The following ZNF438 variants were observed in gnomAD, a reference collection of about 807,000 sequenced individuals.
ZNF438 encodes the protein zinc finger protein 438.
In ZNF438, 25 loss-of-function variants were observed where a neutral mutation model predicts 38.0. The observed-to-expected ratio is 0.66, with a 90% CI of 0.48 to 0.92. ZNF438 has a LOEUF of 0.92. ZNF438 is among the 40% of genes least tolerant of loss of function. The probability of loss-of-function intolerance (pLI) is 0.00; values close to 1 mark genes in which losing one functional copy is unlikely to be tolerated. For missense variants in ZNF438, 1,007 were observed against 999.6 expected (o/e 1.01, Z -0.10); for synonymous variants, 372 against 364.1 (o/e 1.02, Z -0.25).
intron 4 of ZNF438, among the ~76,000 whole-genome samples, chr10:30,871,322 T>A (rs2037374378): frequency 6.6e-6 from 1 of 152,140 alleles, no homozygotes; most frequent in African/African-American, 2.4e-5. Context: ...CTTTGGTGTT[T>A]CATTAAAAAA....
At chr10:30,896,170 C>T (rs960686365) in intron 3 of ZNF438, among the ~76,000 whole-genome samples, 1 of 151,870 alleles carries the variant, frequency 6.6e-6, no homozygotes, top group Admixed American at 6.6e-5. Context: ...GTGACGGGCA[C>T]CTGTAGTCCC....
chr10:30,848,560 A>G, exon 5 of ZNF438: 1 of 1,613,916 alleles, frequency 6.2e-7, no homozygotes, highest in Middle Eastern at 1.7e-4. Context: ...TGCCTCGCAC[A>G]CTCATGTCTC....
chr10:30,942,513 T>A (rs1313475116), intron 1 of ZNF438, among the ~76,000 whole-genome samples: 1 of 152,194 alleles, frequency 6.6e-6, no homozygotes, highest in Non-Finnish European at 1.5e-5. Flanking sequence ...AGAAGCAGAA[T>A]AACAGCCTAA....
chr10:30,957,145 T>C (rs1244550405), intron 1 of ZNF438, among the ~76,000 whole-genome samples: 1 of 152,228 alleles, frequency 6.6e-6, no homozygotes, highest in African/African-American at 2.4e-5. Flanking sequence ...GATGTAGTGA[T>C]GTTGAACATT....
intron 1 of ZNF438, among the ~76,000 whole-genome samples, chr10:30,944,260 C>T (rs572625604): frequency 4.6e-4 from 70 of 152,278 alleles, no homozygotes; most frequent in African/African-American, 1.4e-3. Flanking sequence ...ACATAGTAAA[C>T]ACTACAGGGC....
At chr10:30,968,730 C>A (rs56288552) in intron 1 of ZNF438, among the ~76,000 whole-genome samples, 13,966 of 152,058 alleles carry the variant, frequency 0.092, 679 homozygotes, top group Non-Finnish European at 0.11. Flanking sequence ...GCGTGAGCCA[C>A]CGTGCCCAGC....
intron 3 of ZNF438, among the ~76,000 whole-genome samples, chr10:30,901,557 G>A (rs906799903): frequency 1.3e-5 from 2 of 152,044 alleles, no homozygotes; most frequent in African/African-American, 4.8e-5. Context: ...TTTGGCCCCC[G>A]AATTCTAAGG....
exon 5 of ZNF438, chr10:30,849,329 C>T: frequency 1.9e-6 from 3 of 1,614,236 alleles, no homozygotes; most frequent in African/African-American, 1.3e-5. Context: ...ACAAAAGGCA[C>T]TTTCACAGGC....
exon 6 of ZNF438, chr10:30,844,865 G>A: frequency 7.0e-7 from 1 of 1,438,120 alleles, no homozygotes; most frequent in South Asian, 1.4e-5. Context: ...CAATCCTGTT[G>A]TTTGATCTTT....
intron 3 of ZNF438, among the ~76,000 whole-genome samples, chr10:30,889,171 C>G (rs1390247451): frequency 6.6e-6 from 1 of 152,120 alleles, no homozygotes; most frequent in Non-Finnish European, 1.5e-5. Flanking sequence ...AATGCTTATT[C>G]TTATCTCAAT....
chr10:31,017,009 A>C (rs1027352097), intron 1 of ZNF438, among the ~76,000 whole-genome samples: 2 of 152,230 alleles, frequency 1.3e-5, no homozygotes, highest in African/African-American at 4.8e-5. Context: ...GCTCCTTCCT[A>C]GTCCAGCGGC....
intron 2 of ZNF438, among the ~76,000 whole-genome samples, chr10:30,929,858 C>T (rs2045426304): frequency 6.6e-6 from 1 of 152,232 alleles, no homozygotes. Context: ...ATTTACAAAC[C>T]TTTAGCTAGA....
intron 2 of ZNF438, among the ~76,000 whole-genome samples, chr10:30,930,777 A>G (rs915922988): frequency 1.5e-5 from 2 of 133,882 alleles, no homozygotes; most frequent in Non-Finnish European, 3.1e-5. Flanking sequence ...ACTGCACTCC[A>G]GCCTGGCGAC....
intron 2 of ZNF438, among the ~76,000 whole-genome samples, chr10:30,939,924 T>C (rs2046642475): frequency 6.6e-6 from 1 of 152,204 alleles, no homozygotes; most frequent in South Asian, 2.1e-4. Context: ...ATTTATAACA[T>C]TGTTTTTGTG....
In ZNF438 at chr10:30,965,644, A is replaced by T. The variant is rs191324451; in HGVS notation, c.-191-23993T>A. On this transcript the variant is annotated intron_variant, in intron 1 of 5. Coordinates refer to ENST00000413025, the Ensembl canonical transcript of ZNF438. The stretch of plus-strand genomic sequence containing the variant: ...AGCTGGAGGCCATTATCCTAAGTGA[A>T]TTAACTTAGGAACAGAAAATTAAGT... 1.1e-3 allele frequency among the ~76,000 whole-genome samples: 160 copies of T among 152,360 alleles called. 1 individual carries two copies. Among genetic ancestry groups the T allele is most frequent in the Non-Finnish European group, 1.5e-3 (103 of 68,038 alleles).
intron 1 of ZNF438, among the ~76,000 whole-genome samples, chr10:30,968,473 C>T (rs1250544823): frequency 3.5e-5 from 3 of 86,552 alleles, no homozygotes; most frequent in African/African-American, 4.6e-5. Flanking sequence ...GACGGAGTTT[C>T]GCTCTTGTTG....
At chr10:30,998,332 A>G (rs1323589234) in intron 1 of ZNF438, among the ~76,000 whole-genome samples, 1 of 151,828 alleles carries the variant, frequency 6.6e-6, no homozygotes, top group African/African-American at 2.4e-5. Flanking sequence ...TGAGGTCAGG[A>G]GTTTGAGACC....
rs1377963858 is a variant in ZNF438, at chr10:30,984,446, T to C, written c.-191-42795A>G. On this transcript the variant is annotated intron_variant, in intron 1 of 5. Coordinates refer to ENST00000413025, the Ensembl canonical transcript of ZNF438. ...TTAATTCTGTAACAATACAAAGTAT[T>C]ATTATAATCATATTCAGATAATCCA... The C allele has an allele frequency of 6.6e-6, 1 of 152,146 alleles. No homozygotes were observed. The highest frequency in any genetic ancestry group is 2.4e-5 in the African/African-American group (1 of 41,414). 9.4% of individuals were successfully genotyped at this position (152,146 alleles called of 1,614,324 possible).
At chr10:30,861,208 C>A (rs1388410705) in intron 4 of ZNF438, among the ~76,000 whole-genome samples, 1 of 152,168 alleles carries the variant, frequency 6.6e-6, no homozygotes, top group South Asian at 2.1e-4. Flanking sequence ...TGCATACCTC[C>A]TCCTGTATAC....
Sources: gnomAD v4.1 joint callset for allele counts (sites outside exome capture counted in the v4.1 genomes callset) on GRCh38, gnomAD v4.1.1 for gene constraint, MANE v1.5 for transcripts, NCBI Gene and HGNC (gene_info 2026-07-23, HGNC 2026-07-21) for gene names.